Variants in ZNF675 observed in about 807,000 individuals in gnomAD.
ZNF675 encodes zinc finger protein 675.
In ZNF675, 36 loss-of-function variants were observed where a neutral mutation model predicts 56.1. The ratio of observed to expected loss-of-function variants is 0.64; its 90% CI spans 0.49 to 0.85. The LOEUF (loss-of-function observed/expected upper bound fraction) is 0.85. Among genes scored for constraint, ZNF675 ranks in the 40% least tolerant of loss-of-function variants. The pLI is 0.00. For missense variants in ZNF675, 663 were observed against 654.2 expected, an observed-to-expected ratio of 1.01 and a Z score of -0.15; for synonymous variants, 200 against 218.9, an observed-to-expected ratio of 0.91 and a Z score of 0.76.
intron 1 of ZNF675, among the ~76,000 whole-genome samples, chr19:23,665,837 A>G (rs998636972): frequency 2.0e-5 from 3 of 152,136 alleles, no homozygotes; most frequent in Non-Finnish European, 1.5e-5. Flanking sequence ...TTCCCTATCA[A>G]TTGCTTTTCT....
intron 1 of ZNF675, among the ~76,000 whole-genome samples, chr19:23,667,260 A>G (rs1968165023): frequency 6.6e-6 from 1 of 152,050 alleles, no homozygotes; most frequent in South Asian, 2.1e-4. Flanking sequence ...CTTCATGGTG[A>G]GTGTTACAGC....
intron 1 of ZNF675, among the ~76,000 whole-genome samples, chr19:23,669,434 A>G (rs926722112): frequency 5.9e-5 from 9 of 151,466 alleles, no homozygotes; most frequent in African/African-American, 2.2e-4. Context: ...AAGGTTATAT[A>G]AGTCAGAGGG....
rs751354363 is a variant in ZNF675, at chr19:23,653,723, C to T, written c.1210G>A (p.Ala404Thr). ...GTAAGGGCTGAGGAGTGTTTAAAAGCTTTGCCACATTCTTTACATTTGTAG... is the reference window on the plus strand; with the variant it reads ...GTAAGGGCTGAGGAGTGTTTAAAAGTTTTGCCACATTCTTTACATTTGTAG... Reference protein sequence around the residue: ...KPYKCKECGKAFKHSSALTTH... With the variant: ...KPYKCKECGKTFKHSSALTTH... The change falls in exon 4 of 4, where the codon GCT becomes ACT. Residue 404 changes from alanine to threonine, a missense_variant. Ala to Thr is a moderately conservative substitution (Grantham distance 58). Around this residue, in one of 3 missense-constraint regions of ZNF675, gnomAD observed 617 missense variants for 590.5 expected, o/e 1.04. Coordinates refer to ENST00000359788, the MANE Select transcript of ZNF675 (RefSeq NM_138330.3). The T allele has an allele frequency of 9.3e-6, 15 of 1,613,666 alleles. No individual in the cohort carries two copies. The East Asian group carries it at 3.1e-4, about 34-fold the overall frequency.
At position 23,667,994 on chromosome 19, in the gene ZNF675, G is replaced by A. The variant is rs149815457; in HGVS notation, c.4-4836C>T. Among the ~76,000 whole-genome samples the A allele has an allele frequency of 4.8e-3, 704 of 146,230 alleles. 26 individuals are homozygous for A. Among genetic ancestry groups the A allele is most frequent in the African/African-American group, 0.017 (644 of 38,194 alleles). ...CCAGAGCAGCTAGACACAGAGTGTC[G>A]ACTGGTGCACTCATAAACCCTGAGC... On this transcript the variant is annotated intron_variant, in intron 1 of 3. Transcript: ENST00000359788.
intron 3 of ZNF675, among the ~76,000 whole-genome samples, chr19:23,659,828 G>A (rs904753544): frequency 2.0e-5 from 3 of 151,734 alleles, no homozygotes; most frequent in African/African-American, 7.3e-5. Context: ...TTACAGCCAT[G>A]TGGACTGGCC....
intron 1 of ZNF675, among the ~76,000 whole-genome samples, chr19:23,668,120 A>G (rs934963653): frequency 6.8e-6 from 1 of 147,358 alleles, no homozygotes; most frequent in African/African-American, 2.5e-5. Flanking sequence ...CAACTGGTGC[A>G]CTCACAAACC....
intron 1 of ZNF675, among the ~76,000 whole-genome samples, chr19:23,666,514 T>C (rs1281012196): frequency 2.0e-5 from 3 of 152,176 alleles, no homozygotes; most frequent in Non-Finnish European, 4.4e-5. Context: ...CCTTAAGCCA[T>C]TGTTCGGGCC....
At chr19:23,679,254 G>A (rs1248776730) in intron 1 of ZNF675, among the ~76,000 whole-genome samples, 4 of 150,380 alleles carry the variant, frequency 2.7e-5, no homozygotes, top group African/African-American at 4.9e-5. Flanking sequence ...ACAACCATAC[G>A]ATCTTCAACA....
At chr19:23,657,643 G>T (rs1968005414) in intron 3 of ZNF675, among the ~76,000 whole-genome samples, 1 of 152,176 alleles carries the variant, frequency 6.6e-6, no homozygotes. Context: ...CTTCAACCTG[G>T]GAGGCAGAGG....
intron 1 of ZNF675, among the ~76,000 whole-genome samples, chr19:23,664,491 T>C (rs1968123405): frequency 6.6e-6 from 1 of 152,208 alleles, no homozygotes; most frequent in Admixed American, 6.5e-5. Flanking sequence ...ATCAGCAATT[T>C]CTGCTACAGC....
chr19:23,657,058 C>T (rs1967995148), intron 3 of ZNF675: 1 of 152,106 alleles, frequency 6.6e-6, no homozygotes, highest in Non-Finnish European at 1.5e-5. Flanking sequence ...CATCAATCTC[C>T]CAAAAAGCTG....
At chr19:23,667,517 C>T (rs926427402) in intron 1 of ZNF675, among the ~76,000 whole-genome samples, 1 of 151,980 alleles carries the variant, frequency 6.6e-6, no homozygotes, top group East Asian at 1.9e-4. Flanking sequence ...AGGTTCTCCA[C>T]GTCCCCAGCA....
chr19:23,676,812 C>A (rs1160161540), intron 1 of ZNF675, among the ~76,000 whole-genome samples: 1 of 150,904 alleles, frequency 6.6e-6, no homozygotes, highest in Non-Finnish European at 1.5e-5. Flanking sequence ...CGGTGGCTCA[C>A]GCCTGTAATC....
chr19:23,682,748 T>C (rs1261412283), intron 1 of ZNF675, among the ~76,000 whole-genome samples: 1 of 151,826 alleles, frequency 6.6e-6, no homozygotes, highest in Non-Finnish European at 1.5e-5. Context: ...AACTATGTGT[T>C]TGAAAAATCC....
chr19:23,662,974 C>A (rs1038587005), intron 2 of ZNF675, 58 bp downstream of exon 2: 2 of 1,443,408 alleles, frequency 1.4e-6, no homozygotes, highest in African/African-American at 3.2e-5. Flanking sequence ...CAGAGCCAGA[C>A]TCCGTCTCAA....
In ZNF675 at chr19:23,653,478, A is replaced by T; in HGVS notation, c.1455T>A (p.Cys485Ter). The change falls in exon 4 of 4, where the codon TGT becomes TGA. Residue 485 changes from cysteine (C) to a stop codon, truncating the protein, a stop_gained. Coordinates refer to ENST00000359788, the MANE Select transcript of ZNF675 (RefSeq NM_138330.3). LOFTEE classifies it high-confidence loss of function. The part of the protein sequence containing the change: ...SGEIPYKCEE[C>*]GKAFKHSSSL... ...ATGAGGAGTGTTTAAAAGCTTTGCC[A>T]CATTCTTCACACTTGTAGGGTATCT... 6.2e-7 allele frequency: 1 copy of T among 1,613,360 alleles called. No individual in the cohort carries two copies. Among genetic ancestry groups the T allele is most frequent in the African/African-American group, 1.3e-5 (1 of 75,024 alleles).
chr19:23,653,118 T>A lies in ZNF675; in HGVS notation c.*108A>T. 2 of 1,028,856 alleles carry A rather than the reference T, an allele frequency of 1.9e-6. No individual in the cohort carries two copies. Among genetic ancestry groups the A allele is most frequent in the African/African-American group, 1.6e-5 (1 of 62,018 alleles). The allele number at this position is 1,028,856 out of a possible 1,614,324, so 63.7% of individuals were successfully genotyped here. On this transcript the variant is annotated 3_prime_UTR_variant, in exon 4 of 4. Transcript: ENST00000359788. ...ATGAATTATCTTACATACAATGAAG[T>A]GTGAAAACCATTTAAAGTCTTTGAC...
chr19:23,679,270 G>C (rs1968344534), intron 1 of ZNF675, among the ~76,000 whole-genome samples: 2 of 151,020 alleles, frequency 1.3e-5, no homozygotes, highest in African/African-American at 4.9e-5. Context: ...CAACAAAACT[G>C]ACAAAGAGAA....
At chr19:23,681,428 C>A (rs12971407) in intron 1 of ZNF675, among the ~76,000 whole-genome samples, 1 of 151,344 alleles carries the variant, frequency 6.6e-6, no homozygotes, top group Non-Finnish European at 1.5e-5. Context: ...TTCAGTCCTC[C>A]CTCACCCTTG....
Sources: gnomAD v4.1 joint callset for allele counts (sites outside exome capture counted in the v4.1 genomes callset) on GRCh38, gnomAD v4.1.1 for gene constraint, gnomAD v4.1.1 regional missense constraint, MANE v1.5 for transcripts, NCBI Gene and HGNC (gene_info 2026-07-23, HGNC 2026-07-21) for gene names.